Variants in RIPK1 observed in about 807,000 individuals in gnomAD.
RIPK1 encodes the protein receptor-interacting serine/threonine-protein kinase 1.
A neutral mutation model predicts 62.4 loss-of-function variants in RIPK1; 27 were observed. That is an observed-to-expected ratio of 0.43 (90% confidence interval 0.32 to 0.60). The LOEUF is 0.60. Ranked by LOEUF, RIPK1 falls within the 20% of genes least tolerant of loss-of-function variation. The probability of loss-of-function intolerance (pLI) is 0.07; values close to 1 mark genes in which losing one functional copy is unlikely to be tolerated. For missense variants in RIPK1, 735 were observed against 831.0 expected (o/e 0.88, Z 1.42); for synonymous variants, 287 against 303.2 (o/e 0.95, Z 0.55).
intron 6 of RIPK1, among the ~76,000 whole-genome samples, chr6:3,089,199 T>C (rs1759882459): frequency 1.3e-5 from 2 of 152,176 alleles, no homozygotes. Context: ...TTACACTAAA[T>C]CCTTCCTCTG....
At chr6:3,085,127 A>G (rs1046897978) in intron 5 of RIPK1, 132 bp from the exon 6 acceptor site, 16 of 882,838 alleles carry the variant, frequency 1.8e-5, no homozygotes, top group Non-Finnish European at 2.5e-5. Flanking sequence ...GCTCCTTGTC[A>G]TAAGGCCATT....
intron 1 of RIPK1, 105 bp downstream of exon 1, chr6:3,068,766 C>T: frequency 3.0e-6 from 2 of 665,478 alleles, no homozygotes; most frequent in Non-Finnish European, 3.7e-6. Context: ...CACGCCCGGG[C>T]AAGGCTGCCG....
chr6:3,068,686 G>C (rs1758512691), intron 1 of RIPK1, 25 bp downstream of exon 1: 1 of 984,634 alleles, frequency 1.0e-6, no homozygotes, highest in Non-Finnish European at 1.2e-6. Flanking sequence ...ACCGCGCGGG[G>C]AACATTCCGG....
At chr6:3,070,402 A>C (rs1054118401) in intron 1 of RIPK1, among the ~76,000 whole-genome samples, 2 of 152,318 alleles carry the variant, frequency 1.3e-5, no homozygotes, top group Middle Eastern at 3.4e-3. Flanking sequence ...TCTGTAGAAC[A>C]TTGATTTTGA....
In RIPK1 at chr6:3,083,131, A is replaced by G. The variant is rs1474714837; in HGVS notation, c.506A>G (p.Asn169Ser). The G allele has an allele frequency of 1.2e-6, 2 of 1,613,940 alleles. No individual in the cohort carries two copies. The highest frequency in any genetic ancestry group is 1.3e-5 in the African/African-American group (1 of 74,916). Residue 169 changes from asparagine (N) to serine (S), a missense_variant, in exon 5 of 11, where the codon AAT (asparagine) becomes AGT (serine). Transcript: ENST00000259808. ...TCCTTTAAGATGTGGAGCAAACTGA[A>G]TAATGAAGAGCACAATGAGCTGAGG... ...LASFKMWSKL[N>S]NEEHNELREV... is the part of the protein sequence containing the mutation.
Position 3,106,049 on chromosome 6 carries a change from C to A in RIPK1, c.1574C>A (p.Thr525Lys). 6.3e-7 allele frequency: 1 copy of A among 1,595,946 alleles called. No homozygotes were observed. Among genetic ancestry groups the A allele is most frequent in the East Asian group, 2.2e-5 (1 of 44,616 alleles). The stretch of plus-strand genomic sequence containing the variant: ...ATGCCATTCAGCTCCTTGCCACCAA[C>A]AGGTAAATGGGTCTTCGATAGTCAC... ...PTMPFSSLPP[T>K]DESIKYTIYN... The change falls in exon 9 of 11, where the codon ACA (threonine) becomes AAA (lysine). Residue 525 changes from threonine (T) to lysine (K), a missense_variant and splice_region_variant. Physicochemically the swap from Thr to Lys is moderately conservative, Grantham distance 78. Transcript: ENST00000259808.
At chr6:3,090,653 G>A (rs1581410586) in intron 7 of RIPK1, among the ~76,000 whole-genome samples, 1 of 152,220 alleles carries the variant, frequency 6.6e-6, no homozygotes, top group East Asian at 1.9e-4. Flanking sequence ...CTCTTCAATT[G>A]ATAGAACGAG....
intron 3 of RIPK1, among the ~76,000 whole-genome samples, chr6:3,079,675 C>A (rs1209835112): frequency 2.0e-5 from 3 of 152,174 alleles, no homozygotes; most frequent in African/African-American, 7.2e-5. Flanking sequence ...TCTCCCACCC[C>A]ACAATTGCCA....
At chr6:3,075,512 C>G (rs1759005726) in intron 1 of RIPK1, among the ~76,000 whole-genome samples, 1 of 152,092 alleles carries the variant, frequency 6.6e-6, no homozygotes, top group Non-Finnish European at 1.5e-5. Context: ...TTACTTAAAC[C>G]TATTCATTTT....
At chr6:3,082,777 A>T (rs1759462725) in intron 4 of RIPK1, among the ~76,000 whole-genome samples, 1 of 152,246 alleles carries the variant, frequency 6.6e-6, no homozygotes, top group Non-Finnish European at 1.5e-5. Flanking sequence ...GAATGAGAAT[A>T]AATATGTTTG....
Position 3,104,244 on chromosome 6 carries a change from A to G in RIPK1, c.935A>G (p.Asn312Ser), listed in dbSNP as rs1335621385. ...KSLKKEYSNE[N>S]AVVKRMQSLQ... is the part of the protein sequence containing the mutation. ...TTATAGAAAGAGTATTCAAACGAAA[A>G]TGCAGTTGTGAAGAGAATGCAGTCT... Residue 312 changes from asparagine (N) to serine (S), a missense_variant, in exon 8 of 11, where the codon AAT (asparagine) becomes AGT (serine). Transcript: ENST00000259808. The G allele has an allele frequency of 6.3e-7, 1 of 1,587,122 alleles. No individual in the cohort carries two copies. Among genetic ancestry groups the G allele is most frequent in the East Asian group, 2.2e-5 (1 of 44,712 alleles).
intron 1 of RIPK1, among the ~76,000 whole-genome samples, chr6:3,076,110 T>A (rs1291606013): frequency 6.6e-6 from 1 of 152,188 alleles, no homozygotes; most frequent in African/African-American, 2.4e-5. Flanking sequence ...TAGAGTTCTT[T>A]TCCTTTCCAC....
intron 7 of RIPK1, among the ~76,000 whole-genome samples, chr6:3,101,630 G>GA (rs58369801): frequency 0.069 from 10,268 of 148,246 alleles, 995 homozygotes; most frequent in African/African-American, 0.22. Context: ...ATAAAACTAG[G>GA]AAAAAAAAAA....
At position 3,068,679 on chromosome 6, in the gene RIPK1, G is replaced by A. The variant is rs1348853894; in HGVS notation, c.-61+18G>A. 5 of 984,880 alleles carry A rather than the reference G, an allele frequency of 5.1e-6. No homozygotes were observed. The African/African-American group carries it at 7.0e-5, about 14-fold the overall frequency. 61.0% of individuals were successfully genotyped at this position (984,880 alleles called of 1,614,324 possible). ...AGGGCGCGGTGAGCGGACTGGCACC[G>A]CGCGGGGAACATTCCGGAGGCCGCC... On this transcript the variant is annotated intron_variant, in intron 1 of 10. Transcript: ENST00000259808.
chr6:3,104,807 G>A (rs566354677), intron 8 of RIPK1, among the ~76,000 whole-genome samples: 1 of 151,980 alleles, frequency 6.6e-6, no homozygotes, highest in Non-Finnish European at 1.5e-5. Flanking sequence ...CCTCTCATAG[G>A]GCTCTTCAAG....
At chr6:3,084,905 A>C (rs1561756370) in intron 5 of RIPK1, among the ~76,000 whole-genome samples, 1 of 152,110 alleles carries the variant, frequency 6.6e-6, no homozygotes, top group Non-Finnish European at 1.5e-5. Context: ...GCCTTCTTGA[A>C]TAGCAATGAT....
upstream of RIPK1, among the ~76,000 whole-genome samples, chr6:3,065,502 T>G (rs1758344280): frequency 6.8e-6 from 1 of 147,724 alleles, no homozygotes; most frequent in African/African-American, 2.5e-5. Flanking sequence ...TGGGAAGAAA[T>G]GTGGGCGTAG....
chr6:3,075,441 T>C (rs1299195526), intron 1 of RIPK1, among the ~76,000 whole-genome samples: 1 of 152,204 alleles, frequency 6.6e-6, no homozygotes, highest in Non-Finnish European at 1.5e-5. Context: ...TTTTTCACAT[T>C]TTCTTCTTAG....
intron 7 of RIPK1, among the ~76,000 whole-genome samples, chr6:3,100,901 T>C (rs1205662632): frequency 6.6e-6 from 1 of 152,158 alleles, no homozygotes; most frequent in Admixed American, 6.5e-5. Context: ...CCTGTTTGAA[T>C]CTTTCAAAAG....
Sources: gnomAD v4.1 joint callset for allele counts (sites outside exome capture counted in the v4.1 genomes callset) on GRCh38, gnomAD v4.1.1 for gene constraint, MANE v1.5 for transcripts, NCBI Gene and HGNC (gene_info 2026-07-23, HGNC 2026-07-21) for gene names.